Variants in MADD observed in about 807,000 individuals in gnomAD.
The protein encoded by MADD is MAP kinase activating death domain.
In MADD, 109 loss-of-function variants were observed where a neutral mutation model predicts 176.7. That is an observed-to-expected ratio of 0.62 (90% CI 0.53 to 0.72). MADD has a LOEUF of 0.72. Ranked by LOEUF, MADD falls within the 30% of genes least tolerant of loss-of-function variation. The probability of loss-of-function intolerance (pLI) is 0.00; values close to 1 mark genes in which losing one functional copy is unlikely to be tolerated. For missense variants in MADD, 1,914 were observed against 2,045.5 expected, an observed-to-expected ratio of 0.94 and a Z score of 1.24; for synonymous variants, 771 against 771.3, an observed-to-expected ratio of 1.00 and a Z score of 0.01.
At chr11:47,278,898 A>G (rs979923393) in intron 6 of MADD, 101 bp from the exon 7 acceptor site, 186 of 894,548 alleles carry the variant, frequency 2.1e-4, no homozygotes, top group Non-Finnish European at 3.0e-4. Flanking sequence ...ATTCGTTTAT[A>G]TAATAATAAT....
exon 8 of MADD, chr11:47,281,600 C>A: frequency 6.2e-7 from 1 of 1,612,120 alleles, no homozygotes. Flanking sequence ...AGTCTCAACA[C>A]CCAGCCCATC....
upstream of MADD, chr11:47,269,668 T>TCTGCCCCCG (rs1212786041): frequency 1.4e-5 from 2 of 146,364 alleles, no homozygotes; most frequent in Non-Finnish European, 3.0e-5. Flanking sequence ...CGCGCCCCCC[T>TCTGCCCCCG]CTGCCCCCGC....
chr11:47,321,451 G>T (rs2094458065), intron 27 of MADD, among the ~76,000 whole-genome samples: 1 of 152,232 alleles, frequency 6.6e-6, no homozygotes, highest in Non-Finnish European at 1.5e-5. Flanking sequence ...CGTATTATAT[G>T]CTAGGTACTT....
At chr11:47,305,957 T>TGTGGGCATGACTGTTCTGGGTGAC (rs2082297845) in intron 22 of MADD, among the ~76,000 whole-genome samples, 1 of 152,104 alleles carries the variant, frequency 6.6e-6, no homozygotes, top group Non-Finnish European at 1.5e-5. Flanking sequence ...ACAGGCCTAG[T>TGTGGGCATGACTGTTCTGGGTGAC]GTGGGCATGA....
intron 32 of MADD, 70 bp downstream of exon 36, chr11:47,328,774 A>T (rs544302872): frequency 6.3e-7 from 1 of 1,599,110 alleles, no homozygotes; most frequent in Non-Finnish European, 8.6e-7. Context: ...GGACAGGAGG[A>T]GGGGAGGGCC....
exon 30 of MADD, chr11:47,324,496 T>C: frequency 6.2e-7 from 1 of 1,614,082 alleles, no homozygotes; most frequent in Non-Finnish European, 8.5e-7. Context: ...GCGAGTTCCC[T>C]GTGCAGGACC....
chr11:47,299,303 A>G (rs976257809), intron 22 of MADD, among the ~76,000 whole-genome samples: 3 of 151,970 alleles, frequency 2.0e-5, no homozygotes, highest in Admixed American at 6.6e-5. Flanking sequence ...TGAACATGGT[A>G]TATCTTTCCA....
intron 19 of MADD, among the ~76,000 whole-genome samples, 193 bp downstream of exon 20, chr11:47,291,009 C>G (rs1162550604): frequency 6.6e-6 from 1 of 152,060 alleles, no homozygotes; most frequent in Non-Finnish European, 1.5e-5. Context: ...CAGCCACCCC[C>G]CACCCCGTAT....
chr11:47,318,924 C>T (rs564167560), intron 27 of MADD, among the ~76,000 whole-genome samples: 1 of 149,462 alleles, frequency 6.7e-6, no homozygotes, highest in East Asian at 2.0e-4. Context: ...TCTCCTGCCT[C>T]AGCCTCCTGA....
chr11:47,284,948 C>T, exon 13 of MADD: 1 of 1,613,678 alleles, frequency 6.2e-7, no homozygotes, highest in Non-Finnish European at 8.5e-7. Context: ...TAGGAACCTG[C>T]TGACTCTACG....
intron 27 of MADD, among the ~76,000 whole-genome samples, chr11:47,323,231 C>T (rs1188863533): frequency 7.2e-6 from 1 of 138,214 alleles, no homozygotes; most frequent in African/African-American, 2.7e-5. Context: ...GAGTGGGACT[C>T]CATCTCAAAA....
At position 47,303,291 on chromosome 11, in the gene MADD, G is replaced by GA. The variant is rs2079552346; in HGVS notation, c.3643-5299dup. On this transcript the variant is annotated intron_variant, in intron 22 of 32. Coordinates refer to ENST00000402192, the Ensembl canonical transcript of MADD. The stretch of plus-strand genomic sequence containing the variant: ...GAGTCTCACTCTGTCACCCAGGCTG[G>GA]AGTACAGTGGTGCAATCTCGGCTCA... Among the ~76,000 whole-genome samples, 4 of 147,260 alleles carry GA rather than the reference G, an allele frequency of 2.7e-5. No individual in the cohort carries two copies. In the Admixed American group the frequency reaches 2.8e-4, roughly 10 times the overall value.
intron 6 of MADD, 22 bp from the exon 7 acceptor site, chr11:47,278,976 CT>C: frequency 6.2e-7 from 1 of 1,610,536 alleles, no homozygotes; most frequent in Non-Finnish European, 8.5e-7. Context: ...AAGGTCACGT[CT>C]TTTATCATTT....
At chr11:47,328,071 C>G (rs2095647420) in intron 31 of MADD, 2 of 993,476 alleles carry the variant, frequency 2.0e-6, no homozygotes, top group Non-Finnish European at 2.4e-6. Context: ...CTCACACAGG[C>G]AGGTCTGGGC....
At chr11:47,313,975 G>C (rs1278112318) in intron 26 of MADD, among the ~76,000 whole-genome samples, 1 of 151,736 alleles carries the variant, frequency 6.6e-6, no homozygotes, top group Non-Finnish European at 1.5e-5. Context: ...GGTCAGGCTG[G>C]TCTCCAACTC....
In MADD at chr11:47,290,588, C is replaced by T. The variant is rs751503717; in HGVS notation, c.3095-22C>T. The stretch of plus-strand genomic sequence containing the variant: ...GATTCCTACTCACTACTTCTCTTGA[C>T]CTCTTGATATTTTTCCCTCAGAACC... On this transcript the variant is annotated intron_variant, in intron 18 of 32. Coordinates refer to ENST00000402192, the Ensembl canonical transcript of MADD. 4 of 1,606,854 alleles carry T rather than the reference C, an allele frequency of 2.5e-6. No homozygotes were observed. In the South Asian group the frequency reaches 4.4e-5, roughly 18 times the overall value.
intron 22 of MADD, among the ~76,000 whole-genome samples, chr11:47,298,155 C>A (rs17726390): frequency 6.6e-6 from 1 of 152,120 alleles, no homozygotes; most frequent in Non-Finnish European, 1.5e-5. Context: ...AAATTGGCAA[C>A]GGGGCTAGCC....
intron 22 of MADD, among the ~76,000 whole-genome samples, chr11:47,300,723 C>G (rs2077088801): frequency 6.6e-6 from 1 of 152,094 alleles, no homozygotes; most frequent in South Asian, 2.1e-4. Context: ...GTCTTGAACT[C>G]CAGGCCTCAA....
chr11:47,316,096 A>AT (rs1307966717), intron 27 of MADD, among the ~76,000 whole-genome samples: 1 of 152,064 alleles, frequency 6.6e-6, no homozygotes, highest in Non-Finnish European at 1.5e-5. Flanking sequence ...TCGACCTCCC[A>AT]AAGTGCTGGG....
Sources: allele counts gnomAD v4.1 joint callset (sites outside exome capture counted in the v4.1 genomes callset), GRCh38; gene constraint gnomAD v4.1.1; transcripts MANE v1.5; gene names NCBI Gene and HGNC (gene_info 2026-07-23, HGNC 2026-07-21).